The following LRRC1 variants were observed in gnomAD, a reference collection of about 807,000 sequenced individuals.
The protein encoded by LRRC1 is leucine rich repeat containing 1, also known as leucine-rich repeat-containing protein 1.
Under a neutral mutation model 69.9 loss-of-function variants are expected in LRRC1, and 28 were observed. The observed-to-expected ratio is 0.40, with a 90% CI of 0.30 to 0.55. The LOEUF is 0.55. Among genes scored for constraint, LRRC1 ranks in the 20% least tolerant of loss-of-function variants. The pLI is 0.47. For synonymous variants in LRRC1, 236 were observed against 240.2 expected, an observed-to-expected ratio of 0.98 and a Z score of 0.16; for missense variants, 498 against 609.0, an observed-to-expected ratio of 0.82 and a Z score of 1.92.
At chr6:53,832,349 C>T (rs1765450753) in intron 1 of LRRC1, among the ~76,000 whole-genome samples, 1 of 152,144 alleles carries the variant, frequency 6.6e-6, no homozygotes, top group Non-Finnish European at 1.5e-5. Flanking sequence ...TATTTGAAAT[C>T]TCTTCCATTT....
chr6:53,813,701 T>C (rs747428499), intron 1 of LRRC1, among the ~76,000 whole-genome samples: 3 of 152,144 alleles, frequency 2.0e-5, no homozygotes, highest in Non-Finnish European at 2.9e-5. Flanking sequence ...GCGGGCTGCC[T>C]GTTTGCACCC....
At chr6:53,806,860 C>T (rs906574373) in intron 1 of LRRC1, among the ~76,000 whole-genome samples, 12 of 152,222 alleles carry the variant, frequency 7.9e-5, no homozygotes, top group Non-Finnish European at 1.6e-4. Context: ...CTCACTCCCT[C>T]ACCCCCAACA....
chr6:53,798,915 T>C (rs1764382517), intron 1 of LRRC1, among the ~76,000 whole-genome samples: 1 of 152,232 alleles, frequency 6.6e-6, no homozygotes, highest in Admixed American at 6.5e-5. Context: ...GTGACACTGT[T>C]TTGTCCTACT....
chr6:53,892,023 CACA>C (rs1370604414), intron 4 of LRRC1, among the ~76,000 whole-genome samples: 1 of 150,366 alleles, frequency 6.7e-6, no homozygotes, highest in Non-Finnish European at 1.5e-5. Context: ...CACACACACA[CACA>C]CACACACACA....
At chr6:53,829,608 G>A (rs1397135048) in intron 1 of LRRC1, among the ~76,000 whole-genome samples, 1 of 152,124 alleles carries the variant, frequency 6.6e-6, no homozygotes, top group African/African-American at 2.4e-5. Flanking sequence ...TGGTGCTAAT[G>A]ATACGACATA....
At chr6:53,901,294 T>C (rs964564734) in intron 8 of LRRC1, among the ~76,000 whole-genome samples, 8 of 152,238 alleles carry the variant, frequency 5.3e-5, no homozygotes, top group Non-Finnish European at 1.2e-4. Context: ...TGGCTGGGCA[T>C]GGCTCACACT....
At chr6:53,857,346 G>A (rs1766344090) in intron 2 of LRRC1, among the ~76,000 whole-genome samples, 1 of 152,222 alleles carries the variant, frequency 6.6e-6, no homozygotes, top group Non-Finnish European at 1.5e-5. Flanking sequence ...GACTGGTAGT[G>A]TGGGAGCCAA....
At chr6:53,873,978 A>G (rs1766984397) in intron 2 of LRRC1, among the ~76,000 whole-genome samples, 1 of 152,188 alleles carries the variant, frequency 6.6e-6, no homozygotes, top group African/African-American at 2.4e-5. Context: ...AAGAAGAGAG[A>G]CTACCATGGA....
At chr6:53,840,407 C>G (rs945460613) in intron 1 of LRRC1, among the ~76,000 whole-genome samples, 1 of 152,042 alleles carries the variant, frequency 6.6e-6, no homozygotes, top group African/African-American at 2.4e-5. Flanking sequence ...TGCCTGGAAA[C>G]TTTTAGAATC....
intron 2 of LRRC1, among the ~76,000 whole-genome samples, chr6:53,842,497 A>G (rs918377025): frequency 1.3e-5 from 2 of 152,184 alleles, no homozygotes; most frequent in Non-Finnish European, 2.9e-5. Context: ...ACTTATAGGC[A>G]TTTTCCAAAA....
chr6:53,885,078 C>T (rs1188759347), intron 4 of LRRC1, among the ~76,000 whole-genome samples: 1 of 152,128 alleles, frequency 6.6e-6, no homozygotes, highest in East Asian at 1.9e-4. Flanking sequence ...ATTTTGTCAC[C>T]ATAGCAAGAA....
chr6:53,896,634 G>A (rs1044919978), intron 5 of LRRC1, 80 bp downstream of exon 5: 44 of 1,338,788 alleles, frequency 3.3e-5, no homozygotes, highest in Non-Finnish European at 4.3e-5. Flanking sequence ...ACAGTATTAC[G>A]TGAAAACATT....
chr6:53,805,889 G>T (rs1380163181), intron 1 of LRRC1, among the ~76,000 whole-genome samples: 1 of 152,202 alleles, frequency 6.6e-6, no homozygotes, highest in Non-Finnish European at 1.5e-5. Flanking sequence ...CCCTGCACCA[G>T]CAGGATACAG....
At chr6:53,839,082 GT>G (rs1259260809) in intron 1 of LRRC1, among the ~76,000 whole-genome samples, 3 of 151,716 alleles carry the variant, frequency 2.0e-5, no homozygotes, top group African/African-American at 7.2e-5. Flanking sequence ...TATTTTTATT[GT>G]TGCATAATAT....
chr6:53,855,496 A>G (rs909826075), intron 2 of LRRC1, among the ~76,000 whole-genome samples: 7 of 152,168 alleles, frequency 4.6e-5, no homozygotes, highest in Non-Finnish European at 1.0e-4. Flanking sequence ...AGGAGGACTG[A>G]AGTCTCTCTG....
At chr6:53,884,023 T>G (rs922901302) in intron 4 of LRRC1, 1 of 717,352 alleles carries the variant, frequency 1.4e-6, no homozygotes, top group African/African-American at 1.7e-5. Context: ...TGATGTTTTA[T>G]CTTTATGCCA....
chr6:53,869,963 C>G (rs1409585689), intron 2 of LRRC1, among the ~76,000 whole-genome samples: 2 of 152,218 alleles, frequency 1.3e-5, no homozygotes, highest in Non-Finnish European at 2.9e-5. Flanking sequence ...TTTTATTTTA[C>G]AGGCAAATAC....
intron 2 of LRRC1, among the ~76,000 whole-genome samples, chr6:53,845,504 T>C (rs928378620): frequency 1.1e-4 from 17 of 152,184 alleles, no homozygotes; most frequent in African/African-American, 2.7e-4. Flanking sequence ...TGTGGGCCTC[T>C]GGTCTTCTGT....
At chr6:53,897,445 C>T in intron 7 of LRRC1, 86 bp downstream of exon 7, 1 of 979,008 alleles carries the variant, frequency 1.0e-6, no homozygotes, top group Non-Finnish European at 1.5e-6. Context: ...ATAAGGTTTG[C>T]TATAAAAGGA....
Sources: allele counts gnomAD v4.1 joint callset (sites outside exome capture counted in the v4.1 genomes callset), GRCh38; gene constraint gnomAD v4.1.1; transcripts MANE v1.5; gene names NCBI Gene and HGNC (gene_info 2026-07-23, HGNC 2026-07-21).